Variants in PHF8 observed in about 807,000 individuals in gnomAD.
PHF8 encodes PHD finger protein 8.
PHF8 carries 9 observed loss-of-function variants against 74.4 expected under a neutral mutation model. The ratio of observed to expected loss-of-function variants is 0.12; its 90% confidence interval spans 0.07 to 0.21. The LOEUF (loss-of-function observed/expected upper bound fraction) is 0.21, where lower values mean the gene tolerates loss of function less well. Among genes scored for constraint, PHF8 ranks in the 10% least tolerant of loss-of-function variants. PHF8 has a pLI of 1.00. For missense variants in PHF8, 478 were observed against 816.6 expected, an observed-to-expected ratio of 0.59 and a Z score of 5.05; for synonymous variants, 311 against 316.6, an observed-to-expected ratio of 0.98 and a Z score of 0.19.
chrX:53,990,197 A>T (rs1557100966), intron 14 of PHF8, among the ~76,000 whole-genome samples: 2 of 111,769 alleles, frequency 1.8e-5, no homozygotes, highest in African/African-American at 6.5e-5. Flanking sequence ...ATACACAAAA[A>T]TATAAAAGTA....
chrX:54,013,073 GCAC>G (rs1329512214), intron 7 of PHF8, among the ~76,000 whole-genome samples: 4 of 110,734 alleles, frequency 3.6e-5, no homozygotes, highest in Admixed American at 2.9e-4. Context: ...AGTTATGACT[GCAC>G]CACCACACTC....
chrX:54,016,531 C>T, intron 6 of PHF8, 64 bp downstream of exon 6: 3 of 909,177 alleles, frequency 3.3e-6, no homozygotes, highest in Middle Eastern at 2.8e-4. Flanking sequence ...CGAATATACA[C>T]TAGATATATC....
intron 8 of PHF8, among the ~76,000 whole-genome samples, chrX:54,008,810 AG>A (rs782409316): frequency 8.9e-6 from 1 of 112,265 alleles, no homozygotes; most frequent in Admixed American, 9.5e-5. Context: ...GAAGTGAAAA[AG>A]GGGTTGTCAA....
At chrX:54,041,811 A>G (rs1557115953) in intron 2 of PHF8, among the ~76,000 whole-genome samples, 1 of 112,552 alleles carries the variant, frequency 8.9e-6, no homozygotes, top group Non-Finnish European at 1.9e-5. Flanking sequence ...TGCTTTGCAA[A>G]GTCAGAAAGG....
chrX:53,993,558 G>A, intron 13 of PHF8, 43 bp downstream of exon 13: 1 of 1,136,614 alleles, frequency 8.8e-7, no homozygotes, highest in Non-Finnish European at 1.2e-6. Context: ...TCTTCCAAGG[G>A]ACACCCAAAA....
chrX:53,944,460 A>G, intron 19 of PHF8: 2 of 407,095 alleles, frequency 4.9e-6, no homozygotes, highest in East Asian at 4.0e-5. Flanking sequence ...CCAGAGGGAA[A>G]AAGAAAAAAA....
chrX:53,945,684 G>A (rs1035788660), intron 19 of PHF8, among the ~76,000 whole-genome samples: 1 of 110,510 alleles, frequency 9.0e-6, no homozygotes, highest in East Asian at 2.8e-4. Flanking sequence ...TCTCCAGAGT[G>A]TGTACAGCTC....
chrX:53,948,056 C>T (rs2064857635), intron 19 of PHF8, among the ~76,000 whole-genome samples: 1 of 111,644 alleles, frequency 9.0e-6, no homozygotes, highest in Admixed American at 9.5e-5. Flanking sequence ...AATTCCTGAC[C>T]CACAGAATAC....
At chrX:54,016,209 C>T (rs868967027) in intron 6 of PHF8, among the ~76,000 whole-genome samples, 4 of 111,431 alleles carry the variant, frequency 3.6e-5, no homozygotes, top group East Asian at 5.6e-4. Context: ...GAAAGGAACA[C>T]GAGGCAAGGT....
chrX:54,047,329 T>C (rs1434057483), upstream of PHF8, among the ~76,000 whole-genome samples: 3 of 112,314 alleles, frequency 2.7e-5, no homozygotes, highest in East Asian at 2.8e-4. Flanking sequence ...TGCCACTGAA[T>C]GAACTGGGCT....
intron 2 of PHF8, among the ~76,000 whole-genome samples, chrX:54,030,780 A>G (rs2066342597): frequency 8.9e-6 from 1 of 112,220 alleles, no homozygotes; most frequent in Non-Finnish European, 1.9e-5. Context: ...GTACAGGCTT[A>G]GGAGCCAAAC....
chrX:53,987,910 G>A lies in PHF8; in HGVS notation c.1765C>T (p.Arg589Ter). The A allele has an allele frequency of 8.3e-7, 1 of 1,207,410 alleles. No individual in the cohort carries two copies. Among genetic ancestry groups the A allele is most frequent in the Non-Finnish European group, 1.1e-6 (1 of 892,957 alleles). ...TCTACCTTCTTTGCTATCTTGGTTC[G>A]CCGAGATTTGGATAAACTCTTCACC... ...KRVKSLSKSR[R>*]TKIAKKVDKA... is the part of the protein sequence containing the mutation. Residue 589 changes from arginine to a stop codon, truncating the protein, a stop_gained, in exon 15 of 22, where the codon CGA becomes TGA. Transcript: ENST00000338154. LOFTEE classifies it high-confidence loss of function.
chrX:53,991,229 A>T (rs2065655019), intron 14 of PHF8, among the ~76,000 whole-genome samples: 1 of 112,449 alleles, frequency 8.9e-6, no homozygotes, highest in African/African-American at 3.2e-5. Flanking sequence ...TGTTCTTTTA[A>T]AATTATTTAA....
At chrX:54,032,000 G>A (rs1051728201) in intron 2 of PHF8, among the ~76,000 whole-genome samples, 6 of 110,774 alleles carry the variant, frequency 5.4e-5, no homozygotes, top group Admixed American at 9.7e-5. Flanking sequence ...AAGGAATAAT[G>A]ATCTACAGTA....
upstream of PHF8, among the ~76,000 whole-genome samples, chrX:54,044,701 C>T (rs936178253): frequency 6.2e-5 from 7 of 112,862 alleles, no homozygotes; most frequent in Middle Eastern, 4.6e-3. Flanking sequence ...CCCGAAACTT[C>T]CTAGCCTTCC....
upstream of PHF8, among the ~76,000 whole-genome samples, chrX:54,046,195 C>T (rs1400519834): frequency 9.0e-6 from 1 of 110,926 alleles, no homozygotes; most frequent in Non-Finnish European, 1.9e-5. Context: ...CCTCTAAAAG[C>T]GCTGGGATTA....
upstream of PHF8, among the ~76,000 whole-genome samples, chrX:54,046,530 C>T (rs1478846719): frequency 9.2e-6 from 1 of 108,597 alleles, no homozygotes; most frequent in East Asian, 2.9e-4. Flanking sequence ...TTGCAGTGAT[C>T]CGAGACTGTG....
At chrX:54,022,174 C>T in intron 4 of PHF8, 85 bp downstream of exon 4, 4 of 586,560 alleles carry the variant, frequency 6.8e-6, no homozygotes, top group Non-Finnish European at 1.2e-5. Context: ...CCTAATGGGA[C>T]AGCCACTGGG....
At chrX:54,039,910 C>T (rs1309100869) in intron 2 of PHF8, 11 of 112,034 alleles carry the variant, frequency 9.8e-5, no homozygotes, top group Non-Finnish European at 2.1e-4. Flanking sequence ...GTATTTATAA[C>T]GCAATCCCAT....
Sources: allele counts gnomAD v4.1 joint callset (sites outside exome capture counted in the v4.1 genomes callset), GRCh38; gene constraint gnomAD v4.1.1; transcripts MANE v1.5; gene names NCBI Gene and HGNC (gene_info 2026-07-23, HGNC 2026-07-21).